RBFOX2: variants seen among roughly 807,000 people sequenced by gnomAD.
RBFOX2 encodes RNA binding fox-1 homolog 2, also known as RNA binding protein fox-1 homolog 2.
Under a neutral mutation model 49.1 loss-of-function variants are expected in RBFOX2, and 10 were observed. The observed-to-expected ratio is 0.20, with a 90% confidence interval of 0.13 to 0.35. RBFOX2 has a LOEUF of 0.35. Among genes scored for constraint, RBFOX2 ranks in the 10% least tolerant of loss-of-function variants. The pLI, the probability that RBFOX2 is intolerant of heterozygous loss-of-function variation, is 1.00. For missense variants in RBFOX2, 323 were observed against 486.9 expected (o/e 0.66, Z 3.17); for synonymous variants, 183 against 187.4 (o/e 0.98, Z 0.19).
chr22:35,963,102 A>G (rs1412256598), upstream of RBFOX2, among the ~76,000 whole-genome samples: 1 of 151,218 alleles, frequency 6.6e-6, no homozygotes, highest in African/African-American at 2.4e-5. Flanking sequence ...GGAAAGAAGA[A>G]TAATTTAGTA....
At chr22:35,756,532 T>G (rs1723964394) in intron 9 of RBFOX2, among the ~76,000 whole-genome samples, 1 of 152,144 alleles carries the variant, frequency 6.6e-6, no homozygotes, top group South Asian at 2.1e-4. Flanking sequence ...AAGTTTCTTT[T>G]TAAAGAGCTT....
chr22:35,924,121 A>G (rs921503953), intron 1 of RBFOX2, among the ~76,000 whole-genome samples: 2 of 152,144 alleles, frequency 1.3e-5, no homozygotes, highest in African/African-American at 4.8e-5. Flanking sequence ...TTTAAAAACT[A>G]CTTGCTTTAT....
chr22:35,840,454 G>C, exon 1 of RBFOX2: 2 of 1,417,272 alleles, frequency 1.4e-6, no homozygotes, highest in Non-Finnish European at 1.8e-6. Flanking sequence ...ATCTCAGGCA[G>C]ATGGCTGAAG....
intron 1 of RBFOX2, among the ~76,000 whole-genome samples, chr22:35,883,996 ATCTCT>A (rs1477142987): frequency 8.3e-6 from 1 of 120,490 alleles, no homozygotes; most frequent in Non-Finnish European, 1.7e-5. Flanking sequence ...ATCTGTAGTT[ATCTCT>A]TTTTTTTTTT....
chr22:35,768,124 G>A (rs1339563749), intron 5 of RBFOX2, 133 bp downstream of exon 6: 1 of 897,090 alleles, frequency 1.1e-6, no homozygotes, highest in Non-Finnish European at 1.7e-6. Flanking sequence ...AGGTGAAGAA[G>A]ACAGAGATAC....
intron 1 of RBFOX2, among the ~76,000 whole-genome samples, chr22:35,902,540 C>T (rs2048708493): frequency 6.6e-6 from 1 of 152,132 alleles, no homozygotes; most frequent in African/African-American, 2.4e-5. Context: ...ACCAAAGCTG[C>T]CCTTGAAAGC....
chr22:35,985,885 T>C (rs1002370189), intron 1 of RBFOX2, among the ~76,000 whole-genome samples: 4 of 138,496 alleles, frequency 2.9e-5, no homozygotes, highest in African/African-American at 5.5e-5. Context: ...CATCTCTAGA[T>C]AGATAGATAG....
At chr22:35,829,522 A>C (rs1555993531) in intron 1 of RBFOX2, among the ~76,000 whole-genome samples, 1 of 152,046 alleles carries the variant, frequency 6.6e-6, no homozygotes, top group Non-Finnish European at 1.5e-5. Flanking sequence ...AGGGAAAAAA[A>C]GGTAAGTACA....
intron 6 of RBFOX2, 72 bp downstream of exon 7, chr22:35,765,351 T>C: frequency 9.1e-7 from 1 of 1,093,614 alleles, no homozygotes; most frequent in Non-Finnish European, 1.3e-6. Context: ...ATAAAGACAT[T>C]CTTAGAAGTT....
chr22:35,769,894 C>T (rs888551952), intron 4 of RBFOX2, among the ~76,000 whole-genome samples: 1 of 152,084 alleles, frequency 6.6e-6, no homozygotes, highest in Non-Finnish European at 1.5e-5. Flanking sequence ...ATGATCTCTA[C>T]CCACAATTTG....
chr22:35,741,910 C>G (rs535744614), exon 12 of RBFOX2: 1 of 152,540 alleles, frequency 6.6e-6, no homozygotes, highest in East Asian at 1.9e-4. Context: ...TAGAATTTGG[C>G]CTAGTCTCCA....
At chr22:35,845,185 A>G (rs551291669), upstream of RBFOX2, among the ~76,000 whole-genome samples, 9 of 152,246 alleles carry the variant, frequency 5.9e-5, 1 homozygote, top group African/African-American at 2.2e-4. Context: ...CCCCCACACA[A>G]TAACCCTAAC....
At chr22:35,940,103 G>T (rs531542386), upstream of RBFOX2, among the ~76,000 whole-genome samples, 1 of 152,148 alleles carries the variant, frequency 6.6e-6, no homozygotes, top group Non-Finnish European at 1.5e-5. Flanking sequence ...CCACTAATTG[G>T]TAGGTTGACT....
chr22:35,805,789 C>T (rs1353340943), intron 2 of RBFOX2, among the ~76,000 whole-genome samples: 2 of 152,096 alleles, frequency 1.3e-5, no homozygotes, highest in African/African-American at 4.8e-5. Flanking sequence ...GGTTATTATT[C>T]AGTGCTGAAA....
chr22:36,011,621 C>G (rs2058827089), intron 1 of RBFOX2, among the ~76,000 whole-genome samples: 1 of 152,102 alleles, frequency 6.6e-6, no homozygotes, highest in Admixed American at 6.5e-5. Flanking sequence ...TCTAGAAGGA[C>G]ACCCAGATAA....
intron 2 of RBFOX2, among the ~76,000 whole-genome samples, chr22:35,787,030 T>G (rs1362147008): frequency 6.6e-6 from 1 of 151,972 alleles, no homozygotes; most frequent in Admixed American, 6.6e-5. Flanking sequence ...AGAGGTGACA[T>G]GGGTTCTATA....
chr22:35,761,494 G>C, intron 6 of RBFOX2, 26 bp from the exon 8 acceptor site: 1 of 1,612,486 alleles, frequency 6.2e-7, no homozygotes, highest in Admixed American at 1.7e-5. Context: ...TGGAAGGTAA[G>C]CATTTAAGAC....
chr22:35,753,771 C>CTTTTTTTT (rs869178693), intron 9 of RBFOX2, among the ~76,000 whole-genome samples: 1 of 54,472 alleles, frequency 1.8e-5, no homozygotes, highest in Non-Finnish European at 3.5e-5. Context: ...GTAGACAAGT[C>CTTTTTTTT]TTTTTTTTTT....
rs145638757 is a variant in RBFOX2 at position 35,850,297 on chromosome 22, C to T, written c.-33-40293G>A. Among the ~76,000 whole-genome samples the T allele has an allele frequency of 3.5e-3, 532 of 151,776 alleles. 1 individual carries two copies. Among genetic ancestry groups the T allele is most frequent in the African/African-American group, 0.011 (472 of 41,304 alleles). On this transcript the variant is annotated intron_variant, in intron 1 of 13. Coordinates refer to the RBFOX2 transcript ENST00000359369. The stretch of plus-strand genomic sequence containing the variant: ...TTAACAGTATAAAACCTTTCTGCCA[C>T]GGAAAGGAATGGGAGAAAAAAGTCA...
Sources: allele counts gnomAD v4.1 joint callset (sites outside exome capture counted in the v4.1 genomes callset), GRCh38; gene constraint gnomAD v4.1.1; transcripts MANE v1.5; gene names NCBI Gene and HGNC (gene_info 2026-07-23, HGNC 2026-07-21).